The following SRM variants were observed in gnomAD, a reference collection of about 807,000 sequenced individuals.
The protein encoded by SRM is spermidine synthase.
A neutral mutation model predicts 39.3 loss-of-function variants in SRM; 14 were observed. The ratio of observed to expected loss-of-function variants is 0.36; its 90% CI spans 0.24 to 0.56. The LOEUF (loss-of-function observed/expected upper bound fraction) is 0.56, where lower values mean the gene tolerates loss of function less well. Ranked by LOEUF, SRM falls within the 20% of genes least tolerant of loss-of-function variation. The pLI, the probability that SRM is intolerant of heterozygous loss-of-function variation, is 0.86. For missense variants in SRM, 244 were observed against 409.2 expected, an observed-to-expected ratio of 0.60 and a Z score of 3.48; for synonymous variants, 195 against 173.1, an observed-to-expected ratio of 1.13 and a Z score of -0.99.
chr1:11,058,180 T>G (rs1277616398), intron 3 of SRM, among the ~76,000 whole-genome samples: 1 of 152,206 alleles, frequency 6.6e-6, no homozygotes, highest in Non-Finnish European at 1.5e-5. Context: ...GCACGTAGCA[T>G]GATTTTAGTG....
chr1:11,055,516 G>A (rs1262848660), intron 6 of SRM, among the ~76,000 whole-genome samples: 1 of 151,538 alleles, frequency 6.6e-6, no homozygotes, highest in South Asian at 2.1e-4. Context: ...CCGGGTTCAC[G>A]CCATTCTCCT....
rs761498458 is a variant in SRM, at chr1:11,056,741, G to A, written c.398C>T (p.Ser133Phe). The change falls in exon 4 of 8, where the codon TCC (serine) becomes TTC (phenylalanine). Residue 133 changes from serine (S) to phenylalanine (F), a missense_variant. Coordinates refer to ENST00000376957, the MANE Select transcript of SRM (RefSeq NM_003132.3). ...CEIDEDVIQV[S>F]KKFLPGMAIG... ...GGCCATGCCTGGCAGGAACTTCTTGGAGACTTGGATGACATCCTGGAGGGG... is the reference window on the plus strand; with the variant it reads ...GGCCATGCCTGGCAGGAACTTCTTGAAGACTTGGATGACATCCTGGAGGGG... 1 of 1,614,184 alleles carries A rather than the reference G, an allele frequency of 6.2e-7. No individual in the cohort carries two copies. The highest frequency in any genetic ancestry group is 8.5e-7 in the Non-Finnish European group (1 of 1,180,032).
chr1:11,055,112 G>T (rs191275910), intron 6 of SRM, 28 bp from the exon 7 acceptor site: 18,409 of 1,556,190 alleles, frequency 0.012, 165 homozygotes, highest in Non-Finnish European at 0.013. Context: ...GGCACATCAG[G>T]GGGGGCACTT....
chr1:11,058,510 G>A (rs1478648615), intron 3 of SRM, among the ~76,000 whole-genome samples: 4 of 148,218 alleles, frequency 2.7e-5, no homozygotes, highest in East Asian at 4.0e-4. Context: ...GCAGTGAGCC[G>A]AGATCGCACC....
chr1:11,059,324 C>G lies in SRM; in HGVS notation c.189G>C (p.Leu63=). ...VFRSKTYGNV[L]VLDGVIQCTE... is the part of the protein sequence containing the mutation. ...TGCACTGGATGACACCGTCCAACAC[C>G]AGCACGTTGCCATAGGTCTTACTGC... Residue 63 remains leucine (L), a synonymous_variant, in exon 2 of 8, where the codon CTG becomes CTC. Coordinates refer to ENST00000376957, the MANE Select transcript of SRM (RefSeq NM_003132.3). 1 of 1,613,770 alleles carries G rather than the reference C, an allele frequency of 6.2e-7. No homozygotes were observed. The highest frequency in any genetic ancestry group is 8.5e-7 in the Non-Finnish European group (1 of 1,179,972).
rs1188764772 is a variant in SRM at position 11,059,958 on chromosome 1, C to CGGCGCGG, written c.-22_-16dup. ...CCGGGCTCCATGGCGGGCGGGCGGG[C>CGGCGCGG]GGCGCGGGGCGCGGGCCCGGGACTG... On this transcript the variant is annotated 5_prime_UTR_variant, in exon 1 of 8. Transcript: ENST00000376957. The CGGCGCGG allele has an allele frequency of 7.2e-5, 69 of 954,840 alleles. No individual in the cohort carries two copies. The African/African-American group carries it at 7.5e-4, about 10-fold the overall frequency. The allele number at this position is 954,840 out of a possible 1,614,324, so 59.1% of individuals were successfully genotyped here.
At chr1:11,056,283 G>A (rs1391460638) in intron 4 of SRM, among the ~76,000 whole-genome samples, 189 bp from the exon 5 acceptor site, 2 of 152,140 alleles carry the variant, frequency 1.3e-5, no homozygotes, top group African/African-American at 4.8e-5. Context: ...CTAGGCCTTC[G>A]TTCAAGACTA....
chr1:11,054,873 C>T lies in SRM; in HGVS notation c.901G>A (p.Val301Met). Residue 301 changes from valine (V) to methionine (M), a missense_variant, in exon 8 of 8, where the codon GTG (valine) becomes ATG (methionine). Physicochemically the swap from Val to Met is conservative, Grantham distance 21 (BLOSUM62 1). Transcript: ENST00000376957. The surrounding 1 kb of genome is among the most constrained non-coding windows in gnomAD (Gnocchi z 4.8). ...AGTGGTGGCGCCTGGGCTCAGCTCA[C>T]ATCATTCAGGGCCTGGAGGGACATG... ...PEFARKALND[V>M]S The T allele has an allele frequency of 6.2e-7, 1 of 1,609,262 alleles. No individual in the cohort carries two copies. Among genetic ancestry groups the T allele is most frequent in the Non-Finnish European group, 8.5e-7 (1 of 1,178,156 alleles).
At chr1:11,058,741 G>T in intron 3 of SRM, 59 bp downstream of exon 3, 1 of 1,468,316 alleles carries the variant, frequency 6.8e-7, no homozygotes, top group Non-Finnish European at 9.2e-7. Context: ...AGCCATTTCA[G>T]GGCACAGCTG....
chr1:11,059,794 G>A lies in SRM; in HGVS notation c.150C>T (p.Asp50=), dbSNP rs1638948688. 6.3e-7 allele frequency: 1 copy of A among 1,580,164 alleles called. No homozygotes were observed. Among genetic ancestry groups the A allele is most frequent in the East Asian group, 2.4e-5 (1 of 42,034 alleles). The change falls in exon 1 of 8, where the codon GAC becomes GAT. Residue 50 remains aspartate, a synonymous_variant. Transcript: ENST00000376957. ...GGCGGTACCTGCGGAAGACGAGGAT[G>A]TCCTGGTAGCGCGAGCGCCGGTGGT... The part of the protein sequence containing the change: ...LLHHRRSRYQ[D]ILVFRSKTYG...
In SRM at chr1:11,054,834, T is replaced by C. The variant is rs760368225; in HGVS notation, c.*31A>G. ...ACCCCGCAGGCTCCAAGGTCCGAGGTCCTGGGTGGCATCAGTGGTGGCGCC... is the reference window on the plus strand; with the variant it reads ...ACCCCGCAGGCTCCAAGGTCCGAGGCCCTGGGTGGCATCAGTGGTGGCGCC... On this transcript the variant is annotated 3_prime_UTR_variant, in exon 8 of 8. Transcript: ENST00000376957. The surrounding 1 kb of genome is among the most constrained non-coding windows in gnomAD (Gnocchi z 4.8). 6.3e-7 allele frequency: 1 copy of C among 1,590,956 alleles called. No homozygotes were observed. Among genetic ancestry groups the C allele is most frequent in the South Asian group, 1.1e-5 (1 of 88,312 alleles).
intron 6 of SRM, 76 bp from the exon 7 acceptor site, chr1:11,055,160 C>T (rs1385880422): frequency 6.7e-7 from 1 of 1,498,440 alleles, no homozygotes; most frequent in African/African-American, 1.4e-5. Flanking sequence ...TCACTGTTGC[C>T]ACGCTGGAGT....
rs769776533 is a variant in SRM at position 11,055,765 on chromosome 1, G to A, written c.765+16C>T. 244 of 752,264 alleles carry A rather than the reference G, an allele frequency of 3.2e-4. No individual in the cohort carries two copies. Among genetic ancestry groups the A allele is most frequent in the Non-Finnish European group, 5.0e-4 (238 of 474,336 alleles). The allele number at this position is 752,264 out of a possible 1,614,324, so 46.6% of individuals were successfully genotyped here. A position where few individuals can be genotyped will look rare whatever the true frequency, so the allele number is the denominator to read the frequency against. ...ACCTTCCCCCCAACCCCCACCCCCA[G>A]ACACCCCCATCTCACCGGGTTCTTG... On this transcript the variant is annotated intron_variant, in intron 6 of 7. Coordinates refer to ENST00000376957, the MANE Select transcript of SRM (RefSeq NM_003132.3).
chr1:11,054,709 G>A lies in SRM; in HGVS notation c.*156C>T, dbSNP rs576041008. ...AGAGAGACAGACACACAGACAGTCC[G>A]CCCAGCAGGGCAGGCCGGGCAGCAT... On this transcript the variant is annotated 3_prime_UTR_variant, in exon 8 of 8. Transcript: ENST00000376957. This position sits in a 1 kb window ranked among gnomAD's most constrained non-coding sequence, Gnocchi z 4.8. 75 of 1,101,348 alleles carry A rather than the reference G, an allele frequency of 6.8e-5. 1 individual carries two copies. Among genetic ancestry groups the A allele is most frequent in the African/African-American group, 4.4e-4 (28 of 63,054 alleles). The allele number at this position is 1,101,348 out of a possible 1,614,324, so 68.2% of individuals were successfully genotyped here.
chr1:11,059,772 G>C lies in SRM; in HGVS notation c.167+5C>G, dbSNP rs371777299. ...GGGGCAGGCGCCTGCGGGCAGCGGCGGTACCTGCGGAAGACGAGGATGTCC... is the reference window on the plus strand; with the variant it reads ...GGGGCAGGCGCCTGCGGGCAGCGGCCGTACCTGCGGAAGACGAGGATGTCC... On this transcript the variant is annotated splice_donor_5th_base_variant and intron_variant, in intron 1 of 7. Transcript: ENST00000376957. The C allele has an allele frequency of 5.7e-6, 9 of 1,578,192 alleles. No individual in the cohort carries two copies. In the East Asian group the frequency reaches 1.9e-4, roughly 33 times the overall value.
rs2100925084 is a variant in SRM at position 11,059,966 on chromosome 1, G to A, written c.-23C>T. On this transcript the variant is annotated 5_prime_UTR_variant, in exon 1 of 8. Coordinates refer to ENST00000376957, the MANE Select transcript of SRM (RefSeq NM_003132.3). ...CATGGCGGGCGGGCGGGCGGCGCGG[G>A]GCGCGGGCCCGGGACTGCAGGCCGC... 1 of 989,544 alleles carries A rather than the reference G, an allele frequency of 1.0e-6. No individual in the cohort carries two copies. Among genetic ancestry groups the A allele is most frequent in the East Asian group, 1.1e-4 (1 of 9,198 alleles). The allele number at this position is 989,544 out of a possible 1,614,324, so 61.3% of individuals were successfully genotyped here. A position where few individuals can be genotyped will look rare whatever the true frequency, so the allele number is the denominator to read the frequency against.
rs1638946811 is a variant in SRM at position 11,059,765 on chromosome 1, C to A, written c.167+12G>T. 6.3e-7 allele frequency: 1 copy of A among 1,576,550 alleles called. No homozygotes were observed. The highest frequency in any genetic ancestry group is 1.4e-5 in the African/African-American group (1 of 71,806). Reference sequence around the variant, plus strand: ...AGCCTAGGGGGCAGGCGCCTGCGGGCAGCGGCGGTACCTGCGGAAGACGAG... The same window carrying A: ...AGCCTAGGGGGCAGGCGCCTGCGGGAAGCGGCGGTACCTGCGGAAGACGAG... On this transcript the variant is annotated intron_variant, in intron 1 of 7. Coordinates refer to ENST00000376957, the MANE Select transcript of SRM (RefSeq NM_003132.3).
In SRM at chr1:11,059,918, GC is replaced by G; in HGVS notation, c.25del (p.Ala9ProfsTer74). On this transcript the variant is annotated frameshift_variant, in exon 1 of 8. Transcript: ENST00000376957. LOFTEE classifies it high-confidence loss of function. MEPGPDGP[A>X]ASGPAAIREG... ...GCGGATGGCGGCGGGGCCGGAGGCG[GC>G]GGGGCCGTCGGGGCCGGGCTCCATG... 7.5e-7 allele frequency: 1 copy of G among 1,340,496 alleles called. No homozygotes were observed. The highest frequency in any genetic ancestry group is 9.6e-7 in the Non-Finnish European group (1 of 1,044,672). 83.0% of individuals were successfully genotyped at this position (1,340,496 alleles called of 1,614,324 possible). A position where few individuals can be genotyped will look rare whatever the true frequency, so the allele number is the denominator to read the frequency against.
intron 1 of SRM, 142 bp downstream of exon 1, chr1:11,059,635 A>T: frequency 9.4e-7 from 1 of 1,059,918 alleles, no homozygotes; most frequent in Non-Finnish European, 1.3e-6. Context: ...CAGCCCAGGG[A>T]GGCGGTGTGA....
Sources: gnomAD v4.1 joint callset for allele counts (sites outside exome capture counted in the v4.1 genomes callset) on GRCh38, gnomAD v4.1.1 for gene constraint, Gnocchi (gnomAD v3.1) non-coding constraint, MANE v1.5 for transcripts, NCBI Gene and HGNC (gene_info 2026-07-23, HGNC 2026-07-21) for gene names.